C1GALT1: variants seen among roughly 807,000 people sequenced by gnomAD.
The protein encoded by C1GALT1 is core 1 synthase, glycoprotein-N-acetylgalactosamine 3-beta-galactosyltransferase 1, also known as glycoprotein-N-acetylgalactosamine 3-beta-galactosyltransferase 1.
In C1GALT1, 11 loss-of-function variants were observed where a neutral mutation model predicts 31.0. That is an observed-to-expected ratio of 0.36 (90% CI 0.22 to 0.59). The LOEUF is 0.59. Ranked by LOEUF, C1GALT1 falls within the 20% of genes least tolerant of loss-of-function variation. C1GALT1 has a pLI of 0.79. For missense variants in C1GALT1, 424 were observed against 425.2 expected, an observed-to-expected ratio of 1.00 and a Z score of 0.03; for synonymous variants, 175 against 143.6, an observed-to-expected ratio of 1.22 and a Z score of -1.56.
intron 2 of C1GALT1, among the ~76,000 whole-genome samples, chr7:7,173,846 T>C (rs1411699737): frequency 6.6e-6 from 1 of 152,174 alleles, no homozygotes; most frequent in East Asian, 1.9e-4. Context: ...GAGGTTGCAG[T>C]GATCCTGCCG....
intron 1 of C1GALT1, among the ~76,000 whole-genome samples, chr7:7,205,398 A>G (rs1781697451): frequency 6.6e-6 from 1 of 152,048 alleles, no homozygotes; most frequent in Admixed American, 6.6e-5. Flanking sequence ...TAAACTACAG[A>G]AAATAATGTA....
intron 2 of C1GALT1, among the ~76,000 whole-genome samples, chr7:7,160,950 C>G (rs1430625094): frequency 6.6e-6 from 1 of 151,914 alleles, no homozygotes; most frequent in Non-Finnish European, 1.5e-5. Context: ...AAACAATGAG[C>G]CATAATTTAC....
In C1GALT1 at chr7:7,248,479, ATGTC is replaced by A. The variant is rs1262036245; in HGVS notation, c.*4755_*4758del. ...TAATGGTGTTACGAATGGTTTAAAA[ATGTC>A]TGGTGACTTGCTTATTTTTAAGTGA... On this transcript the variant is annotated 3_prime_UTR_variant, in exon 4 of 4. Coordinates refer to ENST00000436587, the MANE Select transcript of C1GALT1 (RefSeq NM_020156.5). 2 of 152,050 alleles carry A rather than the reference ATGTC, an allele frequency of 1.3e-5. No individual in the cohort carries two copies. The highest frequency in any genetic ancestry group is 2.1e-4 in the South Asian group (1 of 4,830). The allele number at this position is 152,050 out of a possible 1,614,324, so 9.4% of individuals were successfully genotyped here.
chr7:7,205,125 T>C (rs951723544), intron 1 of C1GALT1, among the ~76,000 whole-genome samples: 3 of 152,152 alleles, frequency 2.0e-5, no homozygotes, highest in African/African-American at 7.2e-5. Flanking sequence ...GTCTCCCAAC[T>C]GTTATCATAG....
chr7:7,221,549 T>C (rs1193703265), intron 1 of C1GALT1, among the ~76,000 whole-genome samples: 1 of 152,254 alleles, frequency 6.6e-6, no homozygotes, highest in East Asian at 1.9e-4. Flanking sequence ...GTTGGTAATT[T>C]AGACTAGCTA....
intron 1 of C1GALT1, among the ~76,000 whole-genome samples, chr7:7,186,891 T>C (rs1005886203): frequency 6.6e-6 from 1 of 152,204 alleles, no homozygotes; most frequent in Non-Finnish European, 1.5e-5. Flanking sequence ...ATGCAGATTG[T>C]GGGTAGATCC....
intron 1 of C1GALT1, among the ~76,000 whole-genome samples, chr7:7,199,540 G>C (rs1479669691): frequency 6.6e-6 from 1 of 152,220 alleles, no homozygotes. Context: ...GAGTTCTGTA[G>C]ATGTCTATTA....
chr7:7,208,134 G>T (rs1338814898), intron 1 of C1GALT1, among the ~76,000 whole-genome samples: 1 of 152,092 alleles, frequency 6.6e-6, no homozygotes, highest in East Asian at 1.9e-4. Context: ...TCACTTAGCA[G>T]CTGTCTTGAT....
At chr7:7,208,539 A>T (rs1781852353) in intron 1 of C1GALT1, among the ~76,000 whole-genome samples, 1 of 150,576 alleles carries the variant, frequency 6.6e-6, no homozygotes, top group South Asian at 2.1e-4. Flanking sequence ...TTTGGCTCCT[A>T]AAAAAAAAGG....
chr7:7,236,160 A>G lies in C1GALT1; in HGVS notation c.220+1621A>G, dbSNP rs535911658. On this transcript the variant is annotated intron_variant, in intron 2 of 3. Transcript: ENST00000436587. ...TAACATCTCTTAGTATTTAGCAATTATTGGTTTGTGTGTCAGGCTCAGGCT... is the reference window on the plus strand; with the variant it reads ...TAACATCTCTTAGTATTTAGCAATTGTTGGTTTGTGTGTCAGGCTCAGGCT... 1.9e-4 allele frequency among the ~76,000 whole-genome samples: 29 copies of G among 152,188 alleles called. No individual in the cohort carries two copies. In the East Asian group the frequency reaches 5.0e-3, roughly 26 times the overall value.
At position 7,244,566 on chromosome 7, in the gene C1GALT1, A is replaced by C. The variant is rs1379702269; in HGVS notation, c.*839A>C. 6.6e-6 allele frequency: 1 copy of C among 152,144 alleles called. No homozygotes were observed. Among genetic ancestry groups the C allele is most frequent in the Admixed American group, 6.6e-5 (1 of 15,266 alleles). The allele number at this position is 152,144 out of a possible 1,614,324, so 9.4% of individuals were successfully genotyped here. Reference sequence around the variant, plus strand: ...GTTCATTATGGGTAACTAATAATAAATTTAATGCTGTTTCAGGATGCTTTT... The same window carrying C: ...GTTCATTATGGGTAACTAATAATAACTTTAATGCTGTTTCAGGATGCTTTT... On this transcript the variant is annotated 3_prime_UTR_variant, in exon 4 of 4. Transcript: ENST00000436587.
Position 7,243,751 on chromosome 7 carries a change from G to A in C1GALT1, c.*24G>A. 1.3e-6 allele frequency: 2 copies of A among 1,537,298 alleles called. No homozygotes were observed. The highest frequency in any genetic ancestry group is 8.9e-7 in the Non-Finnish European group (1 of 1,125,910). ...GAAAGAAAATCATGAATGAACAAAG[G>A]TAATATGTCTAGCACTGCACTGAAA... On this transcript the variant is annotated 3_prime_UTR_variant, in exon 4 of 4. Coordinates refer to ENST00000436587, the MANE Select transcript of C1GALT1 (RefSeq NM_020156.5).
At chr7:7,160,555 T>G (rs1250468554) in intron 2 of C1GALT1, among the ~76,000 whole-genome samples, 1 of 152,050 alleles carries the variant, frequency 6.6e-6, no homozygotes, top group Non-Finnish European at 1.5e-5. Context: ...GAGACAGATA[T>G]TTAGAAGGGG....
intron 1 of C1GALT1, among the ~76,000 whole-genome samples, chr7:7,232,094 T>C (rs945937328): frequency 6.6e-6 from 1 of 152,234 alleles, no homozygotes; most frequent in African/African-American, 2.4e-5. Context: ...GAATCAGTCA[T>C]TGTCTTGAGG....
rs1414367616 is a variant in C1GALT1 at position 7,245,252 on chromosome 7, C to G, written c.*1525C>G. 1 of 152,274 alleles carries G rather than the reference C, an allele frequency of 6.6e-6. No homozygotes were observed. Among genetic ancestry groups the G allele is most frequent in the Non-Finnish European group, 1.5e-5 (1 of 68,058 alleles). 9.4% of individuals were successfully genotyped at this position (152,274 alleles called of 1,614,324 possible). On this transcript the variant is annotated 3_prime_UTR_variant, in exon 4 of 4. Coordinates refer to ENST00000436587, the MANE Select transcript of C1GALT1 (RefSeq NM_020156.5). ...TTCTTTTTTCGGAGACTGTCTCACT[C>G]TGTCTCCCAGGCTGGACTGCAGTGG...
At chr7:7,205,431 AATTT>A (rs58226082) in intron 1 of C1GALT1, among the ~76,000 whole-genome samples, 24,024 of 152,032 alleles carry the variant, frequency 0.16, 2,153 homozygotes, top group East Asian at 0.37. Flanking sequence ...TAAAGGAGAG[AATTT>A]ATTTACAGTT....
chr7:7,184,709 A>T (rs897306241), intron 1 of C1GALT1, among the ~76,000 whole-genome samples: 1 of 152,236 alleles, frequency 6.6e-6, no homozygotes, highest in African/African-American at 2.4e-5. Context: ...AATAAACCTT[A>T]AGTAGAAAAT....
At chr7:7,211,183 T>C (rs1052786060) in intron 1 of C1GALT1, among the ~76,000 whole-genome samples, 2 of 152,106 alleles carry the variant, frequency 1.3e-5, no homozygotes, top group African/African-American at 4.8e-5. Context: ...AGTTACAGTA[T>C]TGAGTATACA....
intron 1 of C1GALT1, among the ~76,000 whole-genome samples, chr7:7,204,659 G>A (rs1451943269): frequency 6.6e-6 from 1 of 151,958 alleles, no homozygotes; most frequent in Admixed American, 6.6e-5. Context: ...CTTGAATTGA[G>A]AACTTTCTTT....
Sources: allele counts gnomAD v4.1 joint callset (sites outside exome capture counted in the v4.1 genomes callset), GRCh38; gene constraint gnomAD v4.1.1; transcripts MANE v1.5; gene names NCBI Gene and HGNC (gene_info 2026-07-23, HGNC 2026-07-21).